Variants in SLC4A10 observed in about 807,000 individuals in gnomAD.
The protein encoded by SLC4A10 is sodium-driven chloride bicarbonate exchanger.
A neutral mutation model predicts 137.7 loss-of-function variants in SLC4A10; 42 were observed. The ratio of observed to expected loss-of-function variants is 0.30; its 90% CI spans 0.24 to 0.39. SLC4A10 has a LOEUF of 0.39. Ranked by LOEUF, SLC4A10 falls within the 10% of genes least tolerant of loss-of-function variation. The probability of loss-of-function intolerance (pLI) is 1.00; values close to 1 mark genes in which losing one functional copy is unlikely to be tolerated. For missense variants in SLC4A10, 925 were observed against 1,355.0 expected (o/e 0.68, Z 4.98); for synonymous variants, 474 against 464.1 (o/e 1.02, Z -0.27).
intron 1 of SLC4A10, among the ~76,000 whole-genome samples, chr2:161,763,836 T>C (rs1272138788): frequency 6.6e-6 from 1 of 152,086 alleles, no homozygotes; most frequent in Non-Finnish European, 1.5e-5. Context: ...AGAGGATATA[T>C]GGTACATCAT....
chr2:161,697,768 A>G (rs1017821940), intron 1 of SLC4A10, among the ~76,000 whole-genome samples: 2 of 152,208 alleles, frequency 1.3e-5, no homozygotes, highest in Admixed American at 6.5e-5. Context: ...CTTTTGGTTT[A>G]GGATTGACTT....
intron 16 of SLC4A10, 140 bp from the exon 17 acceptor site, chr2:161,947,426 A>G: frequency 1.2e-6 from 1 of 815,756 alleles, no homozygotes; most frequent in Non-Finnish European, 1.8e-6. Context: ...TCGTAATGTA[A>G]TGCCTGCTAA....
chr2:161,848,604 G>C (rs531154185), intron 4 of SLC4A10, among the ~76,000 whole-genome samples: 1 of 152,268 alleles, frequency 6.6e-6, no homozygotes, highest in Non-Finnish European at 1.5e-5. Context: ...CATATGGCTA[G>C]CCAGTTATCC....
intron 1 of SLC4A10, among the ~76,000 whole-genome samples, chr2:161,701,764 C>A (rs2043140668): frequency 6.6e-6 from 1 of 151,914 alleles, no homozygotes; most frequent in Non-Finnish European, 1.5e-5. Flanking sequence ...AACCACCATT[C>A]TACTCTCTAC....
chr2:161,626,539 A>G (rs2032404557), intron 1 of SLC4A10, among the ~76,000 whole-genome samples: 1 of 152,162 alleles, frequency 6.6e-6, no homozygotes, highest in Admixed American at 6.5e-5. Context: ...CACAAGAAAA[A>G]CAAGCCTGAG....
intron 5 of SLC4A10, among the ~76,000 whole-genome samples, chr2:161,858,830 C>G (rs938476733): frequency 2.0e-5 from 3 of 152,100 alleles, no homozygotes; most frequent in Non-Finnish European, 4.4e-5. Flanking sequence ...TTTAAACAAC[C>G]TTTGTTGTTT....
At chr2:161,845,395 T>C (rs1051331272) in intron 4 of SLC4A10, among the ~76,000 whole-genome samples, 2 of 152,076 alleles carry the variant, frequency 1.3e-5, no homozygotes, top group Non-Finnish European at 2.9e-5. Context: ...CACCTTTTTA[T>C]GGAAAGTACC....
chr2:161,686,094 G>T (rs1367002301), intron 1 of SLC4A10, among the ~76,000 whole-genome samples: 1 of 151,994 alleles, frequency 6.6e-6, no homozygotes, highest in African/African-American at 2.4e-5. Flanking sequence ...AAGTTCCAGG[G>T]GAGTTTATTG....
intron 2 of SLC4A10, among the ~76,000 whole-genome samples, chr2:161,775,297 A>G (rs2052183264): frequency 6.6e-6 from 1 of 151,862 alleles, no homozygotes; most frequent in Non-Finnish European, 1.5e-5. Context: ...TCTGGAAAAT[A>G]TATTTTTCTC....
At chr2:161,785,467 TAAC>T (rs1490576001) in intron 2 of SLC4A10, among the ~76,000 whole-genome samples, 1 of 151,684 alleles carries the variant, frequency 6.6e-6, no homozygotes, top group East Asian at 1.9e-4. Flanking sequence ...CAAAAATTCT[TAAC>T]AACAAAAACT....
At chr2:161,840,208 G>A (rs1192583766) in intron 4 of SLC4A10, among the ~76,000 whole-genome samples, 3 of 152,104 alleles carry the variant, frequency 2.0e-5, no homozygotes, top group Admixed American at 6.5e-5. Flanking sequence ...AAATCTAAAA[G>A]TAGTTTATTT....
chr2:161,728,699 A>G (rs560962518), intron 1 of SLC4A10, among the ~76,000 whole-genome samples: 20 of 152,318 alleles, frequency 1.3e-4, no homozygotes, highest in African/African-American at 4.3e-4. Flanking sequence ...CACTTCCCAA[A>G]TCATTTTATG....
chr2:161,765,281 A>G (rs963540553), intron 1 of SLC4A10, among the ~76,000 whole-genome samples: 1 of 152,112 alleles, frequency 6.6e-6, no homozygotes, highest in East Asian at 1.9e-4. Context: ...ACTGTCCTAT[A>G]TTACTTACCG....
chr2:161,893,930 T>C (rs1402123446), intron 10 of SLC4A10, among the ~76,000 whole-genome samples: 2 of 152,014 alleles, frequency 1.3e-5, no homozygotes, highest in Non-Finnish European at 2.9e-5. Context: ...TTTTGACTTA[T>C]GATATTTTCA....
intron 5 of SLC4A10, among the ~76,000 whole-genome samples, chr2:161,860,030 A>G (rs1211904557): frequency 1.3e-5 from 2 of 152,196 alleles, no homozygotes; most frequent in African/African-American, 2.4e-5. Flanking sequence ...TCAAATTAAT[A>G]CTAATATGTA....
chr2:161,728,590 T>G (rs547737110), intron 1 of SLC4A10, among the ~76,000 whole-genome samples: 45 of 151,796 alleles, frequency 3.0e-4, no homozygotes, highest in Non-Finnish European at 5.6e-4. Flanking sequence ...AAAAAAAAAT[T>G]CTAGCCAAGA....
intron 2 of SLC4A10, among the ~76,000 whole-genome samples, chr2:161,785,817 A>C (rs1476201883): frequency 6.6e-6 from 1 of 151,990 alleles, no homozygotes; most frequent in Non-Finnish European, 1.5e-5. Flanking sequence ...TCCATTCAAC[A>C]TAGTACTAGA....
intron 5 of SLC4A10, among the ~76,000 whole-genome samples, chr2:161,857,778 C>T (rs960741029): frequency 1.3e-5 from 2 of 152,006 alleles, no homozygotes; most frequent in Non-Finnish European, 2.9e-5. Context: ...ATCATAACAA[C>T]ATATAAAGTA....
At chr2:161,970,827 A>G (rs1698392377) in intron 23 of SLC4A10, among the ~76,000 whole-genome samples, 1 of 152,360 alleles carries the variant, frequency 6.6e-6, no homozygotes, top group Non-Finnish European at 1.5e-5. Flanking sequence ...GTAATTCGAT[A>G]TATAACACCC....
Sources: gnomAD v4.1 joint callset for allele counts (sites outside exome capture counted in the v4.1 genomes callset) on GRCh38, gnomAD v4.1.1 for gene constraint, MANE v1.5 for transcripts, NCBI Gene and HGNC (gene_info 2026-07-23, HGNC 2026-07-21) for gene names.